The following ANGPT1 variants were observed in gnomAD, a reference collection of about 807,000 sequenced individuals.
ANGPT1 encodes angiopoietin 1.
ANGPT1 carries 17 observed loss-of-function variants against 62.2 expected under a neutral mutation model. That is an observed-to-expected ratio of 0.27 (90% confidence interval 0.19 to 0.41). The LOEUF (loss-of-function observed/expected upper bound fraction) is 0.41. Among genes scored for constraint, ANGPT1 ranks in the 10% least tolerant of loss-of-function variants. The probability of loss-of-function intolerance (pLI) is 1.00; values close to 1 mark genes in which losing one functional copy is unlikely to be tolerated. For synonymous variants in ANGPT1, 199 were observed against 198.9 expected, an observed-to-expected ratio of 1.00 and a Z score of 0.00; for missense variants, 478 against 594.9, an observed-to-expected ratio of 0.80 and a Z score of 2.04.
intron 7 of ANGPT1, among the ~76,000 whole-genome samples, chr8:107,283,620 G>A (rs978274001): frequency 2.6e-5 from 4 of 152,086 alleles, no homozygotes; most frequent in Admixed American, 6.6e-5. Flanking sequence ...CAAAACACAC[G>A]CAAGGGTTGG....
rs577170371 is a variant in ANGPT1, at chr8:107,416,904, G to A, written c.298-69807C>T. ...CCTCCCTGGTTCAAGCAATTCTCCC[G>A]CCTCAGGTTCCCCAGTAGCTAGGAC... On this transcript the variant is annotated intron_variant, in intron 1 of 8. Coordinates refer to ENST00000517746, the MANE Select transcript of ANGPT1 (RefSeq NM_001146.5). Among the ~76,000 whole-genome samples, 15 of 150,388 alleles carry A rather than the reference G, an allele frequency of 1.0e-4. No homozygotes were observed. In the East Asian group the frequency reaches 1.2e-3, roughly 12 times the overall value.
At chr8:107,461,859 G>A (rs371352359) in intron 1 of ANGPT1, among the ~76,000 whole-genome samples, 139 of 152,212 alleles carry the variant, frequency 9.1e-4, no homozygotes, top group African/African-American at 3.2e-3. Context: ...ATGTTAGATA[G>A]CATTGTTTTC....
Position 107,494,180 on chromosome 8 carries a change from A to G in ANGPT1, c.297+3082T>C, listed in dbSNP as rs373234060. On this transcript the variant is annotated intron_variant, in intron 1 of 8. Coordinates refer to ENST00000517746, the MANE Select transcript of ANGPT1 (RefSeq NM_001146.5). ...AACAGATCTTCTAAGGATTCCCCAA[A>G]TCTTAGAACATTATACATATTTAAA... Among the ~76,000 whole-genome samples, 5 of 152,324 alleles carry G rather than the reference A, an allele frequency of 3.3e-5. No individual in the cohort carries two copies. In the East Asian group the frequency reaches 7.7e-4, roughly 24 times the overall value.
chr8:107,464,898 T>C (rs1347871584), intron 1 of ANGPT1, among the ~76,000 whole-genome samples: 1 of 152,052 alleles, frequency 6.6e-6, no homozygotes, highest in Non-Finnish European at 1.5e-5. Context: ...CACAGGGAAC[T>C]AGAGCAGGAA....
chr8:107,436,400 T>C (rs540818229), intron 1 of ANGPT1, among the ~76,000 whole-genome samples: 1 of 152,308 alleles, frequency 6.6e-6, no homozygotes, highest in South Asian at 2.1e-4. Context: ...GAATATTATG[T>C]TCTTTTGGGC....
intron 8 of ANGPT1, among the ~76,000 whole-genome samples, chr8:107,256,417 C>G (rs906781156): frequency 2.0e-5 from 3 of 152,076 alleles, no homozygotes; most frequent in Non-Finnish European, 2.9e-5. Context: ...AAACACAAAT[C>G]CTGAAAATAT....
In ANGPT1 at chr8:107,409,847, C is replaced by A. The variant is rs548117025; in HGVS notation, c.298-62750G>T. Reference sequence around the variant, plus strand: ...CTTTTCTGTTTAACTAGACAGTGGGCCTCATGAAAAGTAGGAACATAATGA... The same window carrying A: ...CTTTTCTGTTTAACTAGACAGTGGGACTCATGAAAAGTAGGAACATAATGA... On this transcript the variant is annotated intron_variant, in intron 1 of 8. Coordinates refer to ENST00000517746, the MANE Select transcript of ANGPT1 (RefSeq NM_001146.5). Among the ~76,000 whole-genome samples the A allele has an allele frequency of 2.6e-5, 4 of 151,974 alleles. No homozygotes were observed. The East Asian group carries it at 7.8e-4, about 29-fold the overall frequency.
At chr8:107,353,117 G>A (rs1283650) in intron 1 of ANGPT1, among the ~76,000 whole-genome samples, 150,826 of 152,316 alleles carry the variant, frequency 0.99, 74,680 homozygotes, top group East Asian at 1. Flanking sequence ...TGGTTTCTGT[G>A]TGGATATACA....
At chr8:107,279,742 C>T (rs562313182) in intron 7 of ANGPT1, among the ~76,000 whole-genome samples, 51 of 122,568 alleles carry the variant, frequency 4.2e-4, no homozygotes, top group Admixed American at 6.7e-4. Flanking sequence ...TACACACACA[C>T]GTGTACACAC....
chr8:107,390,025 T>C (rs1205857546), intron 1 of ANGPT1, among the ~76,000 whole-genome samples: 1 of 152,070 alleles, frequency 6.6e-6, no homozygotes, highest in African/African-American at 2.4e-5. Flanking sequence ...AAATGTCTGG[T>C]AAATTATGAA....
chr8:107,407,874 G>T (rs1480036229), intron 1 of ANGPT1, among the ~76,000 whole-genome samples: 14 of 152,138 alleles, frequency 9.2e-5, no homozygotes. Context: ...TGGACAGAAA[G>T]AGATGACCAC....
intron 1 of ANGPT1, among the ~76,000 whole-genome samples, chr8:107,376,355 C>A (rs899940898): frequency 2.0e-5 from 3 of 152,146 alleles, no homozygotes; most frequent in East Asian, 1.9e-4. Context: ...TATGGGGAAC[C>A]CTGAGTTCTT....
rs529907403 is a variant in ANGPT1, at chr8:107,457,881, A to C, written c.297+39381T>G. On this transcript the variant is annotated intron_variant, in intron 1 of 8. Transcript: ENST00000517746. The stretch of plus-strand genomic sequence containing the variant: ...ACACACACACACCAAGAGGGGAAAA[A>C]AATACCTATGAAAGCATTTTCTTGG... Among the ~76,000 whole-genome samples the C allele has an allele frequency of 7.6e-4, 115 of 151,666 alleles. 1 individual carries two copies. Among genetic ancestry groups the C allele is most frequent in the Non-Finnish European group, 7.7e-4 (52 of 67,834 alleles).
intron 1 of ANGPT1, among the ~76,000 whole-genome samples, chr8:107,397,090 A>T (rs1331978878): frequency 2.0e-5 from 3 of 152,074 alleles, no homozygotes; most frequent in African/African-American, 7.2e-5. Context: ...CCCAATTGGT[A>T]ATTTTTGTCA....
intron 1 of ANGPT1, among the ~76,000 whole-genome samples, chr8:107,363,128 C>T (rs2130212340): frequency 6.8e-6 from 1 of 147,826 alleles, no homozygotes; most frequent in Non-Finnish European, 1.5e-5. Context: ...GCCATATGAA[C>T]TCCAAGGTCT....
intron 1 of ANGPT1, among the ~76,000 whole-genome samples, chr8:107,396,341 A>G (rs1586287361): frequency 6.6e-6 from 1 of 152,118 alleles, no homozygotes; most frequent in African/African-American, 2.4e-5. Flanking sequence ...TAAAACACCA[A>G]TAGGCATTTA....
chr8:107,468,023 G>T (rs577357671), intron 1 of ANGPT1, among the ~76,000 whole-genome samples: 4 of 152,006 alleles, frequency 2.6e-5, no homozygotes, highest in Non-Finnish European at 5.9e-5. Flanking sequence ...TTTGTGTAGA[G>T]GAGAGAAAGA....
At chr8:107,285,620 G>C (rs931430997) in intron 6 of ANGPT1, among the ~76,000 whole-genome samples, 1 of 152,030 alleles carries the variant, frequency 6.6e-6, no homozygotes, top group South Asian at 2.1e-4. Context: ...GGGAAGTCAA[G>C]GTTGTTAAGT....
chr8:107,313,441 T>TG lies in ANGPT1; in HGVS notation c.808+8454_808+8455insC, dbSNP rs1563564077. On this transcript the variant is annotated intron_variant, in intron 4 of 8. Transcript: ENST00000517746. The stretch of plus-strand genomic sequence containing the variant: ...AATGTTACTAGTTGTTTTTTTTTTT[T>TG]TTTTTTTTTTTTTTTTGAGACAGAG... 6.3e-5 allele frequency among the ~76,000 whole-genome samples: 8 copies of TG among 126,176 alleles called. 1 individual carries two copies. The highest frequency in any genetic ancestry group is 1.3e-4 in the Non-Finnish European group (8 of 59,942). 82.8% of individuals were successfully genotyped at this position (126,176 alleles called of 152,430 possible).
Sources: allele counts gnomAD v4.1 joint callset (sites outside exome capture counted in the v4.1 genomes callset), GRCh38; gene constraint gnomAD v4.1.1; transcripts MANE v1.5; gene names NCBI Gene and HGNC (gene_info 2026-07-23, HGNC 2026-07-21).